Variants in EYS observed in about 807,000 individuals in gnomAD.
EYS encodes protein eyes shut homolog.
A neutral mutation model predicts 282.1 loss-of-function variants in EYS; 250 were observed. That is an observed-to-expected ratio of 0.89 (90% CI 0.80 to 0.98). The LOEUF (loss-of-function observed/expected upper bound fraction) is 0.98, where lower values mean the gene tolerates loss of function less well. Among genes scored for constraint, EYS ranks in the 50% least tolerant of loss-of-function variants. The pLI is 0.00. For missense variants in EYS, 4,016 were observed against 3,709.0 expected (o/e 1.08, Z -2.15); for synonymous variants, 1,355 against 1,282.9 (o/e 1.06, Z -1.20).
intron 12 of EYS, among the ~76,000 whole-genome samples, chr6:65,161,307 C>G (rs900857234): frequency 6.6e-6 from 1 of 150,992 alleles, no homozygotes; most frequent in African/African-American, 2.4e-5. Context: ...TAAAATTCAG[C>G]TCAAATGTCA....
chr6:64,429,216 G>A (rs1372427577), intron 28 of EYS, among the ~76,000 whole-genome samples: 1 of 151,998 alleles, frequency 6.6e-6, no homozygotes, highest in Non-Finnish European at 1.5e-5. Flanking sequence ...TTTTATAATA[G>A]GTAATATGTT....
chr6:64,899,281 A>T (rs577638744), intron 18 of EYS, among the ~76,000 whole-genome samples: 6 of 152,282 alleles, frequency 3.9e-5, no homozygotes, highest in African/African-American at 1.4e-4. Flanking sequence ...ACAAACTAGA[A>T]CTCAGGATTA....
At chr6:65,002,118 T>G (rs1771485512) in intron 13 of EYS, among the ~76,000 whole-genome samples, 1 of 147,048 alleles carries the variant, frequency 6.8e-6, no homozygotes, top group South Asian at 2.2e-4. Context: ...ATAATCATTA[T>G]AGTAGGGCTG....
intron 23 of EYS, among the ~76,000 whole-genome samples, chr6:64,623,110 C>T (rs1230776783): frequency 6.6e-6 from 1 of 151,988 alleles, no homozygotes; most frequent in Admixed American, 6.6e-5. Context: ...TGGGGAAGGC[C>T]TTTGTTTTTT....
At chr6:63,743,516 C>T (rs1273922741) in intron 41 of EYS, among the ~76,000 whole-genome samples, 2 of 152,148 alleles carry the variant, frequency 1.3e-5, no homozygotes, top group African/African-American at 4.8e-5. Flanking sequence ...GGAGATTACT[C>T]ATATCAAAGA....
chr6:64,043,802 C>T (rs1241446367), intron 33 of EYS, among the ~76,000 whole-genome samples: 1 of 152,150 alleles, frequency 6.6e-6, no homozygotes, highest in Admixed American at 6.5e-5. Context: ...TGGTAACTTC[C>T]TGGGTAAGAA....
intron 14 of EYS, among the ~76,000 whole-genome samples, chr6:64,967,119 A>T (rs1016057136): frequency 2.0e-5 from 3 of 152,134 alleles, no homozygotes; most frequent in African/African-American, 4.8e-5. Flanking sequence ...TTTAGCTTCA[A>T]TTATGGCATC....
At chr6:65,037,425 C>T (rs774272512) in intron 13 of EYS, among the ~76,000 whole-genome samples, 9 of 151,636 alleles carry the variant, frequency 5.9e-5, no homozygotes, top group African/African-American at 1.5e-4. Context: ...ACACAATTTT[C>T]GCACGTTATA....
chr6:65,287,757 T>G (rs578139967), intron 12 of EYS, among the ~76,000 whole-genome samples: 2 of 151,444 alleles, frequency 1.3e-5, no homozygotes, highest in South Asian at 4.1e-4. Flanking sequence ...TCTGCTTAAT[T>G]TTTGTTTTTT....
At chr6:65,667,252 C>T (rs191021809) in intron 1 of EYS, among the ~76,000 whole-genome samples, 20 of 151,962 alleles carry the variant, frequency 1.3e-4, no homozygotes, top group Non-Finnish European at 2.7e-4. Flanking sequence ...TCTGCTAAAA[C>T]TCTTCAAATT....
At chr6:64,670,497 C>T (rs765377080) in intron 22 of EYS, among the ~76,000 whole-genome samples, 3 of 152,034 alleles carry the variant, frequency 2.0e-5, no homozygotes, top group South Asian at 2.1e-4. Flanking sequence ...AACCGTGTTA[C>T]GTTTGACCTT....
intron 10 of EYS, among the ~76,000 whole-genome samples, chr6:65,336,747 G>T (rs574909624): frequency 6.6e-6 from 1 of 151,522 alleles, no homozygotes; most frequent in African/African-American, 2.4e-5. Flanking sequence ...TTTTCATAAA[G>T]TTATGATGCT....
At chr6:64,184,794 A>T (rs954440534) in intron 31 of EYS, among the ~76,000 whole-genome samples, 2 of 152,166 alleles carry the variant, frequency 1.3e-5, no homozygotes, top group African/African-American at 4.8e-5. Flanking sequence ...AAGAATAAGA[A>T]TTTTATTTTT....
intron 12 of EYS, among the ~76,000 whole-genome samples, chr6:65,196,704 G>A (rs1047840940): frequency 6.6e-6 from 1 of 152,100 alleles, no homozygotes; most frequent in Admixed American, 6.6e-5. Context: ...AGCAGTAAGA[G>A]CACAGCGAAT....
At chr6:65,409,930 ACAACTCAACCTT>A in intron 5 of EYS, among the ~76,000 whole-genome samples, 1 of 152,168 alleles carries the variant, frequency 6.6e-6, no homozygotes, top group East Asian at 1.9e-4. Context: ...TTATTTGAAA[ACAACTCAACCTT>A]TAATTTGTGG....
chr6:64,837,509 A>G (rs2643785), intron 19 of EYS, among the ~76,000 whole-genome samples: 105,975 of 149,608 alleles, frequency 0.71, 37,949 homozygotes, highest in Admixed American at 0.76. Context: ...GAAATAAAAA[A>G]CATCAAAATG....
intron 13 of EYS, among the ~76,000 whole-genome samples, chr6:65,038,957 T>C (rs1772849689): frequency 1.3e-5 from 2 of 151,540 alleles, no homozygotes; most frequent in South Asian, 4.1e-4. Flanking sequence ...TATGTGTTTG[T>C]AAGTATTTTC....
At chr6:64,675,477 G>C (rs1241325256) in intron 22 of EYS, among the ~76,000 whole-genome samples, 2 of 123,820 alleles carry the variant, frequency 1.6e-5, no homozygotes, top group Non-Finnish European at 3.1e-5. Flanking sequence ...GCCCTTGCTG[G>C]AGTGCAGTGG....
intron 29 of EYS, among the ~76,000 whole-genome samples, chr6:64,338,669 T>A (rs139757591): frequency 3.3e-5 from 5 of 151,936 alleles, no homozygotes; most frequent in Non-Finnish European, 5.9e-5. Flanking sequence ...AGAGCCCACA[T>A]AGCCAAAGCA....
Sources: gnomAD v4.1 joint callset for allele counts (sites outside exome capture counted in the v4.1 genomes callset) on GRCh38, gnomAD v4.1.1 for gene constraint, MANE v1.5 for transcripts, NCBI Gene and HGNC (gene_info 2026-07-23, HGNC 2026-07-21) for gene names.